Variants in CLTCL1 observed in about 807,000 individuals in gnomAD.
The protein encoded by CLTCL1 is clathrin heavy chain like 1.
A neutral mutation model predicts 190.0 loss-of-function variants in CLTCL1; 159 were observed. The observed-to-expected ratio is 0.84, with a 90% CI of 0.74 to 0.95. The LOEUF (loss-of-function observed/expected upper bound fraction) is 0.95, where lower values mean the gene tolerates loss of function less well. CLTCL1 is among the 40% of genes least tolerant of loss of function. CLTCL1 has a pLI of 0.00. For missense variants in CLTCL1, 1,878 were observed against 2,033.4 expected, an observed-to-expected ratio of 0.92 and a Z score of 1.47; for synonymous variants, 752 against 769.6, an observed-to-expected ratio of 0.98 and a Z score of 0.38.
At chr22:19,202,475 G>A (rs1187816089) in intron 22 of CLTCL1, among the ~76,000 whole-genome samples, 9 of 3,830 alleles carry the variant, frequency 2.3e-3, no homozygotes, top group East Asian at 0.026. Flanking sequence ...CCCCTCCTTT[G>A]CCATCCACGG....
chr22:19,215,439 G>A (rs1720121679), intron 19 of CLTCL1, among the ~76,000 whole-genome samples: 2 of 152,218 alleles, frequency 1.3e-5, no homozygotes, highest in Admixed American at 1.3e-4. Context: ...AACCCCAGGT[G>A]GCTGGCCCAT....
intron 29 of CLTCL1, 157 bp from the exon 30 acceptor site, chr22:19,183,768 C>A: frequency 1.4e-6 from 1 of 706,170 alleles, no homozygotes; most frequent in Non-Finnish European, 2.4e-6. Flanking sequence ...TTCCCTATGC[C>A]CTGCTGCCCA....
At chr22:19,190,135 T>C (rs2084443465) in intron 27 of CLTCL1, among the ~76,000 whole-genome samples, 1 of 152,158 alleles carries the variant, frequency 6.6e-6, no homozygotes, top group Non-Finnish European at 1.5e-5. Flanking sequence ...GAGACGGGGT[T>C]TCACCATGTT....
chr22:19,199,035 T>C lies in CLTCL1; in HGVS notation c.3873+699A>G, dbSNP rs2283644. 6.2e-4 allele frequency among the ~76,000 whole-genome samples: 94 copies of C among 152,278 alleles called. 2 individuals are homozygous for C. The East Asian group carries it at 0.014, about 23-fold the overall frequency. On this transcript the variant is annotated intron_variant, in intron 24 of 32. Transcript: ENST00000427926. Reference sequence around the variant, plus strand: ...AGCTAATATCTGGACACTCTGGCGCTGGTGCGAGCCCCTCCAGACAACGTC... The same window carrying C: ...AGCTAATATCTGGACACTCTGGCGCCGGTGCGAGCCCCTCCAGACAACGTC...
intron 29 of CLTCL1, chr22:19,184,697 G>A: frequency 2.5e-6 from 1 of 397,338 alleles, no homozygotes. Flanking sequence ...CCTAAAGTGG[G>A]CCCTGCTCTG....
chr22:19,242,862 A>G lies in CLTCL1; in HGVS notation c.594T>C (p.Ala198=), dbSNP rs752625862. 7.0e-5 allele frequency: 113 copies of G among 1,614,032 alleles called. 1 individual carries two copies. The highest frequency in any genetic ancestry group is 9.2e-5 in the Non-Finnish European group (108 of 1,179,892). The change falls in exon 4 of 33, where the codon GCT becomes GCC. Residue 198 remains alanine, a synonymous_variant. Coordinates refer to ENST00000427926, the MANE Select transcript of CLTCL1 (RefSeq NM_007098.4). ...CCATCTTGAACTCTGCAAAAGCCGC[A>G]GCATGGCCTTCTATGGGTTGTGAAA... The part of the protein sequence containing the change: ...RKVSQPIEGH[A]AAFAEFKMEG...
intron 18 of CLTCL1, among the ~76,000 whole-genome samples, chr22:19,219,431 C>A (rs183581797): frequency 6.6e-6 from 1 of 151,592 alleles, no homozygotes. Context: ...GTCATCCACC[C>A]GCCTCGGCCT....
chr22:19,191,463 CCCT>C, intron 26 of CLTCL1, 28 bp from the exon 27 acceptor site: 16 of 1,609,810 alleles, frequency 9.9e-6, no homozygotes, highest in Non-Finnish European at 1.4e-5. Context: ...GAGGGTCAGT[CCCT>C]GCCGCTGTCT....
At position 19,180,807 on chromosome 22, in the gene CLTCL1, C is replaced by T. The variant is rs1555925499; in HGVS notation, c.4828-1G>A. On this transcript the variant is annotated splice_acceptor_variant, in intron 30 of 32. Transcript: ENST00000427926. LOFTEE classifies it high-confidence loss of function. ...TCTCCAAGGCATCCAGTTTGTCCAC[C>T]TGCAAGGAGGCAAAAGCACGTGAGC... 3.7e-6 allele frequency: 6 copies of T among 1,613,740 alleles called. No homozygotes were observed. The South Asian group carries it at 6.6e-5, about 18-fold the overall frequency.
intron 2 of CLTCL1, among the ~76,000 whole-genome samples, chr22:19,259,264 C>T (rs1555974354): frequency 6.6e-6 from 1 of 152,120 alleles, no homozygotes; most frequent in East Asian, 1.9e-4. Context: ...CACCACCATG[C>T]CCGACTAATT....
In CLTCL1 at chr22:19,262,402, G is replaced by A. The variant is rs142115476; in HGVS notation, c.251-8175C>T. ...AGTCCCAGCACTTTGGGAGGCTGAGGCAGGTGGATCACGAAGTCAGGAGAT... is the reference window on the plus strand; with the variant it reads ...AGTCCCAGCACTTTGGGAGGCTGAGACAGGTGGATCACGAAGTCAGGAGAT... On this transcript the variant is annotated intron_variant, in intron 2 of 32. Transcript: ENST00000427926. Among the ~76,000 whole-genome samples the A allele has an allele frequency of 0.016, 2,357 of 150,984 alleles. 130 individuals are homozygous for A. The East Asian group carries it at 0.18, about 12-fold the overall frequency.
At chr22:19,242,633 A>C in intron 4 of CLTCL1, 142 bp downstream of exon 4, 2 of 926,394 alleles carry the variant, frequency 2.2e-6, no homozygotes, top group Admixed American at 4.4e-5. Context: ...AATCATGTGC[A>C]TCACGGTGCA....
At chr22:19,251,769 C>T (rs2146054996) in intron 3 of CLTCL1, among the ~76,000 whole-genome samples, 1 of 152,314 alleles carries the variant, frequency 6.6e-6, no homozygotes, top group Non-Finnish European at 1.5e-5. Flanking sequence ...ATCTAGATGC[C>T]TTTTATGTTT....
rs371706961 is a variant in CLTCL1, at chr22:19,233,161, G to T, written c.1521+5C>A. On this transcript the variant is annotated splice_donor_5th_base_variant and intron_variant, in intron 9 of 32. Transcript: ENST00000427926. ...GTGAGATGCCAGTGGTTCAACACAC[G>T]TTACCTTTTTGGCATAGAGCACAAT... 3 of 1,610,336 alleles carry T rather than the reference G, an allele frequency of 1.9e-6. No homozygotes were observed. Among genetic ancestry groups the T allele is most frequent in the Non-Finnish European group, 2.5e-6 (3 of 1,177,036 alleles).
Position 19,233,536 on chromosome 22 carries a change from G to C in CLTCL1, c.1254C>G (p.Phe418Leu), listed in dbSNP as rs368616857. The change falls in exon 8 of 33, where the codon TTC (phenylalanine) becomes TTG (leucine). Residue 418 changes from phenylalanine to leucine, a missense_variant. By Grantham distance (22) the Phe-to-Leu change is conservative. Transcript: ENST00000427926. ...GCTGACCCTGGTCGAGCAGGATTCC[G>C]AAGTACTGCAGCAATGGAGAAGCCT... ...SGQASPLLQY[F>L]GILLDQGQLN... 3 of 1,613,962 alleles carry C rather than the reference G, an allele frequency of 1.9e-6. No individual in the cohort carries two copies. The highest frequency in any genetic ancestry group is 2.5e-6 in the Non-Finnish European group (3 of 1,179,886).
intron 11 of CLTCL1, among the ~76,000 whole-genome samples, chr22:19,228,988 A>C (rs2085839378): frequency 6.6e-6 from 1 of 152,232 alleles, no homozygotes; most frequent in African/African-American, 2.4e-5. Context: ...TGCTGGGAAG[A>C]ATATAAAATG....
At position 19,221,521 on chromosome 22, in the gene CLTCL1, G is replaced by A. The variant is rs747348354; in HGVS notation, c.2652C>T (p.Ile884=). ...ATHNALAKIY[I]DSNNSPECFL... is the part of the protein sequence containing the mutation. ...AGCACTCGGGGCTGTTGTTGCTGTC[G>A]ATGTAGATTTTAGCCAGTGCATTGT... Residue 884 remains isoleucine, a synonymous_variant, in exon 17 of 33, where the codon ATC becomes ATT. Transcript: ENST00000427926. 99 of 1,605,104 alleles carry A rather than the reference G, an allele frequency of 6.2e-5. 1 individual carries two copies. Among genetic ancestry groups the A allele is most frequent in the Admixed American group, 2.9e-4 (17 of 58,678 alleles).
intron 1 of CLTCL1, among the ~76,000 whole-genome samples, chr22:19,286,362 T>C (rs536143746): frequency 6.6e-6 from 1 of 152,294 alleles, no homozygotes; most frequent in South Asian, 2.1e-4. Flanking sequence ...CTGGCCAGTA[T>C]GTATTTCCAA....
At chr22:19,237,195 T>C (rs535037513) in intron 5 of CLTCL1, among the ~76,000 whole-genome samples, 7 of 151,790 alleles carry the variant, frequency 4.6e-5, no homozygotes, top group African/African-American at 1.7e-4. Context: ...AATCCTGGAG[T>C]TGGGCACAGT....
Sources: gnomAD v4.1 joint callset for allele counts (sites outside exome capture counted in the v4.1 genomes callset) on GRCh38, gnomAD v4.1.1 for gene constraint, MANE v1.5 for transcripts, NCBI Gene and HGNC (gene_info 2026-07-23, HGNC 2026-07-21) for gene names.